The following ARHGAP15 variants were observed in gnomAD, a reference collection of about 807,000 sequenced individuals.
The protein encoded by ARHGAP15 is Rho GTPase activating protein 15.
In ARHGAP15, 51 loss-of-function variants were observed where a neutral mutation model predicts 63.7. That is an observed-to-expected ratio of 0.80 (90% CI 0.64 to 1.01). The LOEUF (loss-of-function observed/expected upper bound fraction) is 1.01. ARHGAP15 is among the 50% of genes least tolerant of loss of function. The pLI, the probability that ARHGAP15 is intolerant of heterozygous loss-of-function variation, is 0.00. For missense variants in ARHGAP15, 560 were observed against 564.6 expected, an observed-to-expected ratio of 0.99 and a Z score of 0.08; for synonymous variants, 191 against 193.8, an observed-to-expected ratio of 0.99 and a Z score of 0.12.
At chr2:143,377,518 G>T (rs933905072) in intron 6 of ARHGAP15, among the ~76,000 whole-genome samples, 15 of 151,674 alleles carry the variant, frequency 9.9e-5, no homozygotes, top group African/African-American at 3.6e-4. Flanking sequence ...CATATACATT[G>T]TTATTTTATA....
At chr2:143,475,212 A>T (rs182520497) in intron 8 of ARHGAP15, among the ~76,000 whole-genome samples, 37 of 152,286 alleles carry the variant, frequency 2.4e-4, no homozygotes, top group Non-Finnish European at 5.3e-4. Context: ...CTCCAGCTAG[A>T]TCTTTGTTTA....
chr2:143,135,500 G>A (rs1364016236), intron 1 of ARHGAP15, among the ~76,000 whole-genome samples: 3 of 152,036 alleles, frequency 2.0e-5, no homozygotes, highest in Non-Finnish European at 4.4e-5. Context: ...TAGGTAAGAG[G>A]TACACAAAGA....
chr2:143,304,520 G>T (rs562261814), intron 6 of ARHGAP15, among the ~76,000 whole-genome samples: 1 of 152,094 alleles, frequency 6.6e-6, no homozygotes, highest in South Asian at 2.1e-4. Context: ...GAGTTAATGG[G>T]TGCAGCACAC....
chr2:143,765,882 C>T (rs1276906985), intron 13 of ARHGAP15, among the ~76,000 whole-genome samples: 2 of 152,112 alleles, frequency 1.3e-5, no homozygotes, highest in East Asian at 3.8e-4. Context: ...GTTGAACAAG[C>T]TTAATAGAAG....
chr2:143,307,499 G>T (rs1246203964), intron 6 of ARHGAP15, among the ~76,000 whole-genome samples: 1 of 152,104 alleles, frequency 6.6e-6, no homozygotes, highest in East Asian at 1.9e-4. Context: ...GTAGTAACAT[G>T]ATATCAACAT....
intron 11 of ARHGAP15, among the ~76,000 whole-genome samples, chr2:143,618,881 A>G (rs1358621992): frequency 2.7e-5 from 4 of 150,904 alleles, no homozygotes; most frequent in Non-Finnish European, 5.9e-5. Flanking sequence ...ACCGAGGCGG[A>G]TGGGGTGCAG....
chr2:143,208,916 C>A (rs6713381), intron 3 of ARHGAP15, among the ~76,000 whole-genome samples: 25,986 of 152,064 alleles, frequency 0.17, 2,430 homozygotes, highest in Middle Eastern at 0.24. Context: ...GAATCATCTG[C>A]TACCTCCTGA....
At chr2:143,657,252 C>A (rs1465480055) in intron 12 of ARHGAP15, among the ~76,000 whole-genome samples, 1 of 152,164 alleles carries the variant, frequency 6.6e-6, no homozygotes, top group East Asian at 1.9e-4. Context: ...GAGGCTGAGG[C>A]AGGAGAATAG....
At chr2:143,583,536 G>A (rs1030528446) in intron 11 of ARHGAP15, among the ~76,000 whole-genome samples, 3 of 152,046 alleles carry the variant, frequency 2.0e-5, no homozygotes, top group Non-Finnish European at 4.4e-5. Flanking sequence ...AAATGGGGGG[G>A]GTGGAAGAGG....
At chr2:143,588,073 CT>C (rs1367895747) in intron 11 of ARHGAP15, among the ~76,000 whole-genome samples, 1 of 152,138 alleles carries the variant, frequency 6.6e-6, no homozygotes, top group African/African-American at 2.4e-5. Flanking sequence ...AATTGTCCCC[CT>C]AACAGAAGTT....
intron 6 of ARHGAP15, among the ~76,000 whole-genome samples, chr2:143,262,412 T>C (rs1446192426): frequency 6.6e-6 from 1 of 152,136 alleles, no homozygotes; most frequent in Non-Finnish European, 1.5e-5. Flanking sequence ...ATATTTGATA[T>C]TTATCATCTA....
intron 10 of ARHGAP15, among the ~76,000 whole-genome samples, chr2:143,551,375 G>A (rs1236022073): frequency 6.6e-6 from 1 of 151,884 alleles, no homozygotes; most frequent in Non-Finnish European, 1.5e-5. Context: ...GGCTGTTCTT[G>A]GATTCCTGGG....
intron 11 of ARHGAP15, among the ~76,000 whole-genome samples, chr2:143,581,808 G>GT (rs1224374910): frequency 1.3e-5 from 2 of 152,112 alleles, no homozygotes; most frequent in Non-Finnish European, 1.5e-5. Flanking sequence ...AGAATCTTTG[G>GT]AAGAGCAAAA....
chr2:143,763,738 GTATGTA>G (rs919576772), intron 13 of ARHGAP15, among the ~76,000 whole-genome samples: 256 of 143,586 alleles, frequency 1.8e-3, no homozygotes, highest in South Asian at 5.7e-3. Context: ...ATATGTATAT[GTATGTA>G]TATGTATATG....
intron 12 of ARHGAP15, among the ~76,000 whole-genome samples, chr2:143,695,332 T>G (rs958336890): frequency 2.0e-5 from 3 of 152,152 alleles, no homozygotes; most frequent in Non-Finnish European, 4.4e-5. Context: ...TTGGCCACCA[T>G]GACACCTCCA....
At chr2:143,558,725 A>G (rs903131822) in intron 11 of ARHGAP15, among the ~76,000 whole-genome samples, 1 of 152,192 alleles carries the variant, frequency 6.6e-6, no homozygotes, top group Non-Finnish European at 1.5e-5. Context: ...ATATTTGTTG[A>G]ACAATGTGTG....
intron 13 of ARHGAP15, among the ~76,000 whole-genome samples, chr2:143,749,283 G>C (rs1346453386): frequency 4.6e-5 from 7 of 152,286 alleles, no homozygotes; most frequent in Non-Finnish European, 1.0e-4. Context: ...TTGTCTTTTT[G>C]CAAGTAAGGA....
At chr2:143,746,960 C>T (rs998400782) in intron 13 of ARHGAP15, among the ~76,000 whole-genome samples, 1 of 152,148 alleles carries the variant, frequency 6.6e-6, no homozygotes, top group Non-Finnish European at 1.5e-5. Context: ...GTAAATTGAC[C>T]TCTAAGCCCT....
intron 2 of ARHGAP15, among the ~76,000 whole-genome samples, chr2:143,165,600 T>A (rs947913637): frequency 6.6e-6 from 1 of 152,080 alleles, no homozygotes; most frequent in Non-Finnish European, 1.5e-5. Context: ...GCTGATATTC[T>A]GTACTTAAAA....
Sources: allele counts gnomAD v4.1 joint callset (sites outside exome capture counted in the v4.1 genomes callset), GRCh38; gene constraint gnomAD v4.1.1; transcripts MANE v1.5; gene names NCBI Gene and HGNC (gene_info 2026-07-23, HGNC 2026-07-21).